PAPLN: variants seen among roughly 807,000 people sequenced by gnomAD.
PAPLN encodes papilin, proteoglycan like sulfated glycoprotein.
PAPLN carries 146 observed loss-of-function variants against 159.0 expected under a neutral mutation model. That is an observed-to-expected ratio of 0.92 (90% CI 0.80 to 1.05). PAPLN has a LOEUF of 1.05. Ranked by LOEUF, PAPLN falls within the 50% of genes least tolerant of loss-of-function variation. The pLI is 0.00. For synonymous variants in PAPLN, 734 were observed against 702.9 expected (o/e 1.04, Z -0.70); for missense variants, 1,720 against 1,743.9 (o/e 0.99, Z 0.24).
upstream of PAPLN, among the ~76,000 whole-genome samples, chr14:73,237,089 C>T (rs1883079716): frequency 6.6e-6 from 1 of 152,054 alleles, no homozygotes. Context: ...AGTGAGAAAA[C>T]GTGCTGGGAG....
Position 73,253,840 on chromosome 14 carries a change from G to T in PAPLN, c.1181G>T (p.Gly394Val). The change falls in exon 12 of 27, where the codon GGG becomes GTG. Residue 394 changes from glycine (G) to valine (V), a missense_variant. Coordinates refer to ENST00000644200, the MANE Select transcript of PAPLN (RefSeq NM_001365906.3). ...TCCGTGTACTGCATCTCGTCTGACGGGGCCGGCATCCAGGAGGCCGTGGAG... is the reference window on the plus strand; with the variant it reads ...TCCGTGTACTGCATCTCGTCTGACGTGGCCGGCATCCAGGAGGCCGTGGAG... Reference protein sequence around the residue: ...SRSVYCISSDGAGIQEAVEEA... With the variant: ...SRSVYCISSDVAGIQEAVEEA... The T allele has an allele frequency of 6.2e-7, 1 of 1,613,734 alleles. No homozygotes were observed. Among genetic ancestry groups the T allele is most frequent in the Non-Finnish European group, 8.5e-7 (1 of 1,179,966 alleles).
At position 73,254,623 on chromosome 14, in the gene PAPLN, G is replaced by T. The variant is rs776172471; in HGVS notation, c.1413G>T (p.Leu471=). 2 of 1,614,050 alleles carry T rather than the reference G, an allele frequency of 1.2e-6. No individual in the cohort carries two copies. The highest frequency in any genetic ancestry group is 1.7e-5 in the Admixed American group (1 of 60,014). ...AACSLEDRPP[L]TEPCVHEDCP... Reference sequence around the variant, plus strand: ...GCTCCTTGGAAGACCGGCCACCTCTGACTGAGCCCTGTGTGCATGAGGACT... The same window carrying T: ...GCTCCTTGGAAGACCGGCCACCTCTTACTGAGCCCTGTGTGCATGAGGACT... The change falls in exon 13 of 27, where the codon CTG becomes CTT. Residue 471 remains leucine (L), a synonymous_variant. Coordinates refer to ENST00000644200, the MANE Select transcript of PAPLN (RefSeq NM_001365906.3).
At position 73,262,543 on chromosome 14, in the gene PAPLN, TC is replaced by T; in HGVS notation, c.2443del (p.Gln815SerfsTer149). The T allele has an allele frequency of 6.4e-7, 1 of 1,569,568 alleles. No individual in the cohort carries two copies. The highest frequency in any genetic ancestry group is 8.6e-7 in the Non-Finnish European group (1 of 1,156,716). On this transcript the variant is annotated frameshift_variant, in exon 19 of 27. Coordinates refer to ENST00000644200, the MANE Select transcript of PAPLN (RefSeq NM_001365906.3). LOFTEE classifies it high-confidence loss of function. Reference sequence around the variant, plus strand: ...AGGGATCTCTCCATGGGCCCCGTCGTCCCCAGCCTGGGGCTTCTGGAAGGAG... The same window carrying T: ...AGGGATCTCTCCATGGGCCCCGTCGTCCCAGCCTGGGGCTTCTGGAAGGAG... ...CQGSLHGPRR[P>X]QPGASGRSTH...
At chr14:73,263,895 CCTCCTT>C (rs1379214484) in intron 20 of PAPLN, 113 bp downstream of exon 20, 24 of 1,248,508 alleles carry the variant, frequency 1.9e-5, no homozygotes, top group African/African-American at 6.3e-5. Context: ...CAGACCCCCT[CCTCCTT>C]TGACAGGTGT....
At chr14:73,247,984 CTGTGTGTG>C (rs60942606) in intron 5 of PAPLN, among the ~76,000 whole-genome samples, 194 of 19,366 alleles carry the variant, frequency 0.01, 3 homozygotes, top group East Asian at 0.028. Context: ...CTCATATCCT[CTGTGTGTG>C]TGTGTGTGTG....
intron 6 of PAPLN, 146 bp downstream of exon 6, chr14:73,250,260 G>T: frequency 8.6e-7 from 1 of 1,167,232 alleles, no homozygotes; most frequent in South Asian, 1.8e-5. Context: ...CAGCTCCTAG[G>T]GTACCTTGCA....
At position 73,250,036 on chromosome 14, in the gene PAPLN, C is replaced by G; in HGVS notation, c.387C>G (p.Tyr129Ter). Residue 129 changes from tyrosine to a stop codon, truncating the protein, a stop_gained, in exon 6 of 27, where the codon TAC (tyrosine) becomes TAG (stop). Coordinates refer to ENST00000644200, the MANE Select transcript of PAPLN (RefSeq NM_001365906.3). LOFTEE classifies it high-confidence loss of function. ...TTCCCAAGGGGGAGAACTTCTACTA[C>G]AAGCACAGGGAGGCTGTGGTTGATG... ...NCIPKGENFY[Y>*]KHREAVVDGT... is the part of the protein sequence containing the mutation. The G allele has an allele frequency of 1.9e-6, 3 of 1,613,228 alleles. No homozygotes were observed. Among genetic ancestry groups the G allele is most frequent in the Non-Finnish European group, 2.5e-6 (3 of 1,179,648 alleles).
chr14:73,268,350 G>T, intron 25 of PAPLN: 1 of 491,502 alleles, frequency 2.0e-6, no homozygotes, highest in South Asian at 3.6e-5. Flanking sequence ...CCCAGCCTTG[G>T]ATCTCCCAAG....
At chr14:73,266,920 C>T in intron 25 of PAPLN, 89 bp downstream of exon 25, 1 of 1,261,200 alleles carries the variant, frequency 7.9e-7, no homozygotes, top group Non-Finnish European at 1.1e-6. Flanking sequence ...ATGTCACTGT[C>T]ACCACTGCTT....
At position 73,259,474 on chromosome 14, in the gene PAPLN, C is replaced by G; in HGVS notation, c.1914C>G (p.Cys638Trp). The change falls in exon 16 of 27, where the codon TGC (cysteine) becomes TGG (tryptophan). Residue 638 changes from cysteine (C) to tryptophan (W), a missense_variant. Transcript: ENST00000644200. The part of the protein sequence containing the change: ...HDCRHSPHGC[C>W]PDGHTASLGP... ...GCAGACACAGTCCTCACGGGTGCTG[C>G]CCCGATGGCCACACGGCATCTCTCG... 1 of 1,609,144 alleles carries G rather than the reference C, an allele frequency of 6.2e-7. No homozygotes were observed. The highest frequency in any genetic ancestry group is 8.5e-7 in the Non-Finnish European group (1 of 1,178,150).
intron 1 of PAPLN, 90 bp from the exon 2 acceptor site, chr14:73,239,683 C>T (rs1037747161): frequency 1.3e-6 from 2 of 1,520,944 alleles, no homozygotes; most frequent in Admixed American, 2.0e-5. Context: ...ACCTGTGGGC[C>T]ATAGGGAGAG....
chr14:73,237,149 G>A (rs533530022), upstream of PAPLN, among the ~76,000 whole-genome samples: 6 of 152,312 alleles, frequency 3.9e-5, no homozygotes, highest in East Asian at 3.9e-4. Flanking sequence ...CTGAAGAATA[G>A]GATCCAGGGG....
chr14:73,239,325 T>C (rs554214182), intron 1 of PAPLN, among the ~76,000 whole-genome samples: 5 of 152,234 alleles, frequency 3.3e-5, no homozygotes, highest in Non-Finnish European at 1.5e-5. Context: ...TTTAGAGCAT[T>C]TGGGTTTTCA....
intron 20 of PAPLN, 52 bp from the exon 21 acceptor site, chr14:73,264,159 C>T (rs1042611282): frequency 5.0e-5 from 81 of 1,609,592 alleles, no homozygotes; most frequent in Non-Finnish European, 6.2e-5. Context: ...GGAAGACTCA[C>T]TGTTGCCCTT....
intron 25 of PAPLN, chr14:73,268,263 G>C: frequency 3.0e-6 from 1 of 336,544 alleles, no homozygotes. Flanking sequence ...TTGAGCTCCA[G>C]ACTTCAAATC....
chr14:73,262,164 GCA>G, intron 18 of PAPLN, 184 bp from the exon 19 acceptor site: 1 of 656,168 alleles, frequency 1.5e-6, no homozygotes, highest in Admixed American at 2.6e-5. Context: ...GGGCAGGTCT[GCA>G]CAGTGGACAG....
chr14:73,263,340 C>G (rs985306581), intron 19 of PAPLN: 1 of 511,016 alleles, frequency 2.0e-6, no homozygotes, highest in Non-Finnish European at 3.5e-6. Flanking sequence ...GTTTAGCCCC[C>G]ACATGAACCT....
intron 7 of PAPLN, 147 bp from the exon 8 acceptor site, chr14:73,251,339 G>T (rs924732301): frequency 1.1e-5 from 10 of 947,860 alleles, no homozygotes; most frequent in African/African-American, 6.6e-5. Context: ...TTCTGCCAGG[G>T]TTGCCTTTCC....
intron 25 of PAPLN, chr14:73,268,257 GC>G (rs1887409296): frequency 3.1e-6 from 1 of 326,458 alleles, no homozygotes; most frequent in Non-Finnish European, 5.7e-6. Context: ...GGACTCTTGA[GC>G]TCCAGACTTC....
Sources: allele counts gnomAD v4.1 joint callset (sites outside exome capture counted in the v4.1 genomes callset), GRCh38; gene constraint gnomAD v4.1.1; transcripts MANE v1.5; gene names NCBI Gene and HGNC (gene_info 2026-07-23, HGNC 2026-07-21).